The following KCNT1 variants were observed in gnomAD, a reference collection of about 807,000 sequenced individuals.
KCNT1 encodes potassium sodium-activated channel subfamily T member 1.
Under a neutral mutation model 147.8 loss-of-function variants are expected in KCNT1, and 78 were observed. That is an observed-to-expected ratio of 0.53 (90% CI 0.44 to 0.64). KCNT1 has a LOEUF of 0.64. Among genes scored for constraint, KCNT1 ranks in the 30% least tolerant of loss-of-function variants. The pLI is 0.00. For synonymous variants in KCNT1, 867 were observed against 748.8 expected, an observed-to-expected ratio of 1.16 and a Z score of -2.58; for missense variants, 1,419 against 1,750.3, an observed-to-expected ratio of 0.81 and a Z score of 3.38.
chr9:135,741,579 C>T (rs1166295965), intron 2 of KCNT1, among the ~76,000 whole-genome samples: 6 of 152,280 alleles, frequency 3.9e-5, no homozygotes, highest in Admixed American at 1.3e-4. Context: ...GCTGCTGGCC[C>T]GGCCACCATG....
intron 27 of KCNT1, among the ~76,000 whole-genome samples, 196 bp from the exon 28 acceptor site, chr9:135,785,114 C>T (rs1381709651): frequency 3.3e-5 from 5 of 152,200 alleles, no homozygotes; most frequent in Non-Finnish European, 5.9e-5. Context: ...CTGGAGCAGC[C>T]ATGACCCCTA....
chr9:135,792,444 T>G lies in KCNT1; in HGVS notation c.*283T>G. ...ATGTACCGCAACTCGTGACCAGGGC[T>G]GGCTGGGAGGGCAACGCAGGGACTG... On this transcript the variant is annotated 3_prime_UTR_variant, in exon 31 of 31. Coordinates refer to ENST00000371757, the MANE Select transcript of KCNT1 (RefSeq NM_020822.3). The G allele has an allele frequency of 6.8e-6, 2 of 293,346 alleles. No individual in the cohort carries two copies. Among genetic ancestry groups the G allele is most frequent in the Non-Finnish European group, 1.3e-5 (2 of 152,284 alleles). The allele number at this position is 293,346 out of a possible 1,614,324, so 18.2% of individuals were successfully genotyped here. A position where few individuals can be genotyped will look rare whatever the true frequency, so the allele number is the denominator to read the frequency against.
intron 24 of KCNT1, among the ~76,000 whole-genome samples, chr9:135,779,872 C>A (rs537934196): frequency 6.6e-6 from 1 of 152,274 alleles, no homozygotes; most frequent in Admixed American, 6.5e-5. Flanking sequence ...ATAACGCACA[C>A]GGCTGCACCA....
At chr9:135,791,488 C>T in intron 29 of KCNT1, 1 of 402,540 alleles carries the variant, frequency 2.5e-6, no homozygotes, top group Non-Finnish European at 4.7e-6. Context: ...CTGGTGTGTG[C>T]AGGTGTGCTC....
At chr9:135,754,184 G>A (rs1285536964) in intron 5 of KCNT1, among the ~76,000 whole-genome samples, 191 bp downstream of exon 5, 1 of 152,174 alleles carries the variant, frequency 6.6e-6, no homozygotes, top group Non-Finnish European at 1.5e-5. Flanking sequence ...GGGTGGGGTG[G>A]GATGGACAGA....
intron 11 of KCNT1, among the ~76,000 whole-genome samples, chr9:135,763,067 G>A (rs1832020114): frequency 6.6e-6 from 1 of 152,234 alleles, no homozygotes; most frequent in Non-Finnish European, 1.5e-5. Flanking sequence ...GAGCGAGGCA[G>A]GGAGGAAGGC....
At chr9:135,736,975 C>A (rs1830368652) in intron 2 of KCNT1, 2 of 291,980 alleles carry the variant, frequency 6.8e-6, no homozygotes, top group Admixed American at 5.2e-5. Flanking sequence ...CCTGCGGGAC[C>A]CCCCACTCCC....
intron 2 of KCNT1, among the ~76,000 whole-genome samples, chr9:135,718,472 G>A (rs953597183): frequency 2.6e-5 from 4 of 152,220 alleles, no homozygotes; most frequent in Non-Finnish European, 2.9e-5. Context: ...TGGTGTGCCC[G>A]GACACGGCAG....
intron 2 of KCNT1, among the ~76,000 whole-genome samples, chr9:135,732,170 C>G (rs1388320436): frequency 2.0e-5 from 3 of 151,522 alleles, no homozygotes; most frequent in African/African-American, 4.9e-5. Context: ...AGGTGCCCAC[C>G]ACCACGTCCA....
At chr9:135,726,564 C>T (rs886396537) in intron 2 of KCNT1, among the ~76,000 whole-genome samples, 7 of 152,056 alleles carry the variant, frequency 4.6e-5, no homozygotes, top group Non-Finnish European at 7.4e-5. Context: ...AGTTCTGCTA[C>T]GGACGGGGCC....
At chr9:135,782,534 CA>C (rs1365217017) in intron 24 of KCNT1, among the ~76,000 whole-genome samples, 1 of 152,222 alleles carries the variant, frequency 6.6e-6, no homozygotes, top group African/African-American at 2.4e-5. Context: ...AGGAAGGGCT[CA>C]TCCGCTCCTG....
At chr9:135,782,064 AG>A (rs1833648993) in intron 24 of KCNT1, among the ~76,000 whole-genome samples, 3 of 152,170 alleles carry the variant, frequency 2.0e-5, no homozygotes, top group Non-Finnish European at 4.4e-5. Context: ...CACAAAAATT[AG>A]CCGGGCGTGG....
At chr9:135,788,750 T>G (rs966535665) in intron 29 of KCNT1, among the ~76,000 whole-genome samples, 1 of 152,144 alleles carries the variant, frequency 6.6e-6, no homozygotes. Context: ...ACGAGGGGAT[T>G]CTTCCTGCTC....
chr9:135,727,550 C>T (rs1405557178), intron 2 of KCNT1, among the ~76,000 whole-genome samples: 2 of 151,904 alleles, frequency 1.3e-5, no homozygotes, highest in Admixed American at 6.6e-5. Context: ...GGCCTGGGAA[C>T]GGGGAGGGGG....
At chr9:135,710,267 C>T (rs1835432812) in intron 1 of KCNT1, among the ~76,000 whole-genome samples, 1 of 152,142 alleles carries the variant, frequency 6.6e-6, no homozygotes, top group African/African-American at 2.4e-5. Context: ...TGGTTTGGGG[C>T]TGCAGATGGG....
In KCNT1 at chr9:135,757,240, C is replaced by T. The variant is rs1045068086; in HGVS notation, c.675+10C>T. 7 of 1,612,366 alleles carry T rather than the reference C, an allele frequency of 4.3e-6. No homozygotes were observed. Among genetic ancestry groups the T allele is most frequent in the Admixed American group, 3.3e-5 (2 of 59,926 alleles). On this transcript the variant is annotated intron_variant, in intron 8 of 30. Transcript: ENST00000371757. The stretch of plus-strand genomic sequence containing the variant: ...GCCCTTCATCATCACGGTGGGTGAG[C>T]CCCAGCTGCCAGGAGTGCGGGCCCT...
intron 1 of KCNT1, among the ~76,000 whole-genome samples, chr9:135,706,560 T>C (rs1173929607): frequency 6.6e-6 from 1 of 152,208 alleles, no homozygotes; most frequent in Non-Finnish European, 1.5e-5. Flanking sequence ...AGCTGGCCCC[T>C]TGGTGCCCAG....
intron 20 of KCNT1, among the ~76,000 whole-genome samples, chr9:135,776,454 A>T (rs962440607): frequency 1.3e-5 from 2 of 151,856 alleles, no homozygotes; most frequent in Non-Finnish European, 2.9e-5. Flanking sequence ...TTTTGTAGTG[A>T]TGGGGTCTCA....
chr9:135,785,651 C>T (rs189490204), intron 28 of KCNT1: 7 of 561,114 alleles, frequency 1.2e-5, no homozygotes, highest in Middle Eastern at 4.8e-4. Context: ...TGACCAGCCC[C>T]CAGCCTCCCA....
Sources: allele counts gnomAD v4.1 joint callset (sites outside exome capture counted in the v4.1 genomes callset), GRCh38; gene constraint gnomAD v4.1.1; transcripts MANE v1.5; gene names NCBI Gene and HGNC (gene_info 2026-07-23, HGNC 2026-07-21).